PPP6R3: variants seen among roughly 807,000 people sequenced by gnomAD.
PPP6R3 encodes serine/threonine-protein phosphatase 6 regulatory subunit 3.
PPP6R3 carries 38 observed loss-of-function variants against 110.7 expected under a neutral mutation model. The observed-to-expected ratio is 0.34, with a 90% CI of 0.26 to 0.45. PPP6R3 has a LOEUF of 0.45. Among genes scored for constraint, PPP6R3 ranks in the 20% least tolerant of loss-of-function variants. The pLI is 1.00. For missense variants in PPP6R3, 870 were observed against 1,062.4 expected (o/e 0.82, Z 2.52); for synonymous variants, 369 against 373.5 (o/e 0.99, Z 0.14).
chr11:68,612,024 T>C (rs1158661307), intron 23 of PPP6R3, among the ~76,000 whole-genome samples: 1 of 152,250 alleles, frequency 6.6e-6, no homozygotes, highest in Non-Finnish European at 1.5e-5. Flanking sequence ...ATTATGTACT[T>C]ATTTCATATG....
At chr11:68,536,478 C>T (rs559321793) in intron 2 of PPP6R3, among the ~76,000 whole-genome samples, 13 of 151,944 alleles carry the variant, frequency 8.6e-5, no homozygotes, top group African/African-American at 2.4e-4. Context: ...TTGTGTAGGC[C>T]GTTCTTGAAC....
chr11:68,528,120 G>A (rs1185654285), intron 2 of PPP6R3, among the ~76,000 whole-genome samples: 2 of 152,090 alleles, frequency 1.3e-5, no homozygotes, highest in Non-Finnish European at 2.9e-5. Flanking sequence ...GGGACCATCT[G>A]TCATATTACT....
At chr11:68,522,348 C>T (rs1218362566) in intron 2 of PPP6R3, 1 of 152,190 alleles carries the variant, frequency 6.6e-6, no homozygotes, top group African/African-American at 2.4e-5. Flanking sequence ...GCAGCTTGAC[C>T]TTCCTTATCA....
chr11:68,563,623 C>T (rs938145252), intron 8 of PPP6R3, among the ~76,000 whole-genome samples: 1 of 152,214 alleles, frequency 6.6e-6, no homozygotes, highest in Admixed American at 6.5e-5. Flanking sequence ...ATAGACAGTA[C>T]TCAGTGCAGT....
At chr11:68,533,348 C>T (rs1434469998) in intron 2 of PPP6R3, among the ~76,000 whole-genome samples, 1 of 152,126 alleles carries the variant, frequency 6.6e-6, no homozygotes, top group Non-Finnish European at 1.5e-5. Context: ...AAAGAAAACT[C>T]ACCATTAAAA....
Position 68,503,525 on chromosome 11 carries a change from C to T in PPP6R3, c.-157-15976C>T, listed in dbSNP as rs113480233. On this transcript the variant is annotated intron_variant, in intron 1 of 23. Transcript: ENST00000393800. ...TGAGAAATGGCCAGTGAGAAAACAA[C>T]GAGTGTGTGACATCAGAGAAGCCAG... Among the ~76,000 whole-genome samples the T allele has an allele frequency of 3.5e-3, 528 of 152,242 alleles. 8 individuals carry two copies. The highest frequency in any genetic ancestry group is 0.012 in the African/African-American group (505 of 41,544).
chr11:68,526,816 G>A (rs2099201403), intron 2 of PPP6R3, among the ~76,000 whole-genome samples: 1 of 152,208 alleles, frequency 6.6e-6, no homozygotes, highest in Non-Finnish European at 1.5e-5. Flanking sequence ...TTTTGAAATT[G>A]TGGAAAATAG....
chr11:68,512,802 G>A (rs1247818444), intron 1 of PPP6R3, among the ~76,000 whole-genome samples: 12 of 152,188 alleles, frequency 7.9e-5, no homozygotes, highest in Admixed American at 7.9e-4. Flanking sequence ...ATCACAAAAC[G>A]TCAGGTATGA....
intron 1 of PPP6R3, among the ~76,000 whole-genome samples, chr11:68,467,107 TACTAATTGTC>T (rs2098753925): frequency 6.6e-6 from 1 of 152,280 alleles, no homozygotes; most frequent in South Asian, 2.1e-4. Context: ...AGAGGCTATT[TACTAATTGTC>T]ACTTACGGCT....
chr11:68,504,787 A>G (rs903692117), intron 1 of PPP6R3, among the ~76,000 whole-genome samples: 27 of 152,204 alleles, frequency 1.8e-4, no homozygotes, highest in African/African-American at 6.0e-4. Context: ...TCCCAGCTAC[A>G]CGCACCTGAC....
At chr11:68,545,525 G>A (rs1281034926) in intron 4 of PPP6R3, among the ~76,000 whole-genome samples, 2 of 152,262 alleles carry the variant, frequency 1.3e-5, no homozygotes, top group African/African-American at 4.8e-5. Context: ...ACATCTGAGT[G>A]TATAGACTGC....
At chr11:68,516,261 G>T (rs1436298011) in intron 1 of PPP6R3, among the ~76,000 whole-genome samples, 1 of 152,098 alleles carries the variant, frequency 6.6e-6, no homozygotes, top group Non-Finnish European at 1.5e-5. Flanking sequence ...GAAACTTTTT[G>T]AGTGCCAACA....
chr11:68,610,107 G>A, intron 23 of PPP6R3, 84 bp downstream of exon 23: 1 of 1,548,244 alleles, frequency 6.5e-7, no homozygotes, highest in South Asian at 1.2e-5. Context: ...GGACTATAGG[G>A]ATCGTTTACA....
intron 1 of PPP6R3, among the ~76,000 whole-genome samples, chr11:68,490,248 A>G (rs974618793): frequency 6.6e-6 from 1 of 152,082 alleles, no homozygotes; most frequent in Admixed American, 6.6e-5. Flanking sequence ...TGCTATAAAT[A>G]TTTCATTCTA....
At chr11:68,608,482 TTC>T (rs1366389782) in intron 22 of PPP6R3, among the ~76,000 whole-genome samples, 2 of 152,196 alleles carry the variant, frequency 1.3e-5, no homozygotes, top group Non-Finnish European at 2.9e-5. Flanking sequence ...AGGGCAGTCA[TTC>T]TGGGTAGTAG....
At chr11:68,462,975 A>C (rs1474754340) in intron 1 of PPP6R3, among the ~76,000 whole-genome samples, 3 of 152,204 alleles carry the variant, frequency 2.0e-5, no homozygotes. Context: ...ACAAGCAAAA[A>C]GTTGTTAGTT....
chr11:68,524,838 C>T (rs1314965257), intron 2 of PPP6R3, among the ~76,000 whole-genome samples: 1 of 152,214 alleles, frequency 6.6e-6, no homozygotes, highest in Admixed American at 6.5e-5. Context: ...CCCCTGGCCA[C>T]AAGAGCTGAG....
intron 1 of PPP6R3, among the ~76,000 whole-genome samples, chr11:68,504,620 G>A (rs1188530707): frequency 6.6e-6 from 1 of 152,162 alleles, no homozygotes; most frequent in South Asian, 2.1e-4. Context: ...ACTTGGTTTG[G>A]CTCATTGACA....
At chr11:68,474,328 G>A (rs1044487140) in intron 1 of PPP6R3, among the ~76,000 whole-genome samples, 3 of 152,342 alleles carry the variant, frequency 2.0e-5, no homozygotes, top group Non-Finnish European at 2.9e-5. Flanking sequence ...TTACAGGCAT[G>A]TGCCACTGCG....
Sources: allele counts gnomAD v4.1 joint callset (sites outside exome capture counted in the v4.1 genomes callset), GRCh38; gene constraint gnomAD v4.1.1; transcripts MANE v1.5; gene names NCBI Gene and HGNC (gene_info 2026-07-23, HGNC 2026-07-21).